The following LRRIQ1 variants were observed in gnomAD, a reference collection of about 807,000 sequenced individuals.
The protein encoded by LRRIQ1 is leucine rich repeats and IQ motif containing 1.
LRRIQ1 carries 210 observed loss-of-function variants against 211.9 expected under a neutral mutation model. The ratio of observed to expected loss-of-function variants is 0.99; its 90% CI spans 0.89 to 1.11. The LOEUF (loss-of-function observed/expected upper bound fraction) is 1.11. Ranked by LOEUF, LRRIQ1 falls within the 50% of genes most tolerant of loss-of-function variation. LRRIQ1 has a pLI of 0.00. For synonymous variants in LRRIQ1, 699 were observed against 650.1 expected (o/e 1.08, Z -1.14); for missense variants, 2,136 against 1,939.5 (o/e 1.10, Z -1.90).
chr12:85,083,233 C>A (rs1447850633), intron 11 of LRRIQ1, among the ~76,000 whole-genome samples: 1 of 152,072 alleles, frequency 6.6e-6, no homozygotes, highest in Non-Finnish European at 1.5e-5. Context: ...CAAGTTTTCT[C>A]ACTTTAAAAA....
chr12:85,109,634 T>C (rs970190786), intron 15 of LRRIQ1, among the ~76,000 whole-genome samples: 2 of 152,138 alleles, frequency 1.3e-5, no homozygotes, highest in Non-Finnish European at 2.9e-5. Context: ...CATCATCACC[T>C]GGAAACCCAG....
At position 85,164,838 on chromosome 12, in the gene LRRIQ1, A is replaced by G. The variant is rs564074523; in HGVS notation, c.4822+4124A>G. Among the ~76,000 whole-genome samples the G allele has an allele frequency of 1.2e-4, 18 of 152,328 alleles. 2 individuals are homozygous for G. The South Asian group carries it at 3.7e-3, about 32-fold the overall frequency. Reference sequence around the variant, plus strand: ...ATACAAATGTTAGAGAAAAAAGATTACCAGGTAACCATGAAATTTATACCA... The same window carrying G: ...ATACAAATGTTAGAGAAAAAAGATTGCCAGGTAACCATGAAATTTATACCA... On this transcript the variant is annotated intron_variant, in intron 24 of 26. Transcript: ENST00000393217.
At chr12:85,193,612 A>C (rs2136961691) in intron 24 of LRRIQ1, among the ~76,000 whole-genome samples, 1 of 151,616 alleles carries the variant, frequency 6.6e-6, no homozygotes, top group East Asian at 2.0e-4. Context: ...CTTTACAGAC[A>C]AGCAAATGCT....
intron 11 of LRRIQ1, among the ~76,000 whole-genome samples, chr12:85,089,583 A>G (rs962373491): frequency 1.3e-5 from 2 of 152,194 alleles, no homozygotes; most frequent in South Asian, 4.1e-4. Context: ...GCTGCATTGT[A>G]TTCATACCCT....
In LRRIQ1 at chr12:85,127,791, A is replaced by G. The variant is rs1430941939; in HGVS notation, c.4008-41A>G. ...TTTATCTACAACTCTGTATTTACAG[A>G]TAATAAAAAAAGTGTGTGTTTTTTT... is the stretch of plus-strand genomic sequence containing the variant. On this transcript the variant is annotated intron_variant, in intron 17 of 26. Transcript: ENST00000393217. 1.9e-6 allele frequency: 3 copies of G among 1,549,298 alleles called. No homozygotes were observed. The Admixed American group carries it at 5.2e-5, about 27-fold the overall frequency.
chr12:85,052,351 G>T, intron 7 of LRRIQ1, 100 bp downstream of exon 7: 3 of 572,954 alleles, frequency 5.2e-6, no homozygotes, highest in Non-Finnish European at 9.0e-6. Flanking sequence ...TGCCTAAGTA[G>T]TATAAGATTT....
chr12:85,086,220 T>C (rs930091870), intron 11 of LRRIQ1, among the ~76,000 whole-genome samples: 1 of 152,198 alleles, frequency 6.6e-6, no homozygotes, highest in Non-Finnish European at 1.5e-5. Flanking sequence ...ATTTGTTGAC[T>C]GCATGTATGT....
chr12:85,198,817 C>T (rs776896895), intron 24 of LRRIQ1, among the ~76,000 whole-genome samples: 24 of 152,266 alleles, frequency 1.6e-4, no homozygotes, highest in Non-Finnish European at 2.6e-4. Context: ...ATCCACCCGC[C>T]TTGGCCTCCC....
chr12:85,127,778 T>C (rs112288445), intron 17 of LRRIQ1, 54 bp from the exon 18 acceptor site: 1 of 1,487,020 alleles, frequency 6.7e-7, no homozygotes. Flanking sequence ...TATCTACAAC[T>C]CTGTATTTAC....
chr12:85,171,229 T>C (rs1891399909), intron 24 of LRRIQ1, among the ~76,000 whole-genome samples: 1 of 152,102 alleles, frequency 6.6e-6, no homozygotes. Context: ...AACTTAAAAA[T>C]TCAATGGATG....
intron 25 of LRRIQ1, among the ~76,000 whole-genome samples, chr12:85,231,342 A>T (rs549064319): frequency 6.6e-6 from 1 of 152,308 alleles, no homozygotes; most frequent in South Asian, 2.1e-4. Flanking sequence ...ATTATGTCAG[A>T]TTGTAATGTG....
At chr12:85,130,397 T>C (rs1888666714) in intron 18 of LRRIQ1, among the ~76,000 whole-genome samples, 1 of 152,212 alleles carries the variant, frequency 6.6e-6, no homozygotes, top group Non-Finnish European at 1.5e-5. Context: ...CATCGGTGGA[T>C]GAACAATACA....
At chr12:85,218,695 A>G (rs1358978209) in intron 24 of LRRIQ1, among the ~76,000 whole-genome samples, 1 of 152,118 alleles carries the variant, frequency 6.6e-6, no homozygotes. Flanking sequence ...TTGTAATGGA[A>G]AATGAGGTAG....
At chr12:85,166,676 A>G (rs771048474) in intron 24 of LRRIQ1, among the ~76,000 whole-genome samples, 10 of 152,218 alleles carry the variant, frequency 6.6e-5, no homozygotes, top group Non-Finnish European at 1.2e-4. Context: ...GCCAATGACT[A>G]TGTATTAAGA....
chr12:85,192,718 AAT>A (rs1281595682), intron 24 of LRRIQ1, among the ~76,000 whole-genome samples: 3 of 98,480 alleles, frequency 3.0e-5, no homozygotes, highest in African/African-American at 4.8e-5. Context: ...TATAATTATA[AAT>A]ATATATAGTT....
At chr12:85,245,330 G>C (rs2137279407), downstream of LRRIQ1, among the ~76,000 whole-genome samples, 1 of 151,158 alleles carries the variant, frequency 6.6e-6, no homozygotes, top group East Asian at 1.9e-4. Flanking sequence ...TTTTTAAATA[G>C]AAGAGCTTTA....
At chr12:85,115,759 C>T (rs1565843535) in intron 15 of LRRIQ1, among the ~76,000 whole-genome samples, 1 of 152,080 alleles carries the variant, frequency 6.6e-6, no homozygotes, top group Non-Finnish European at 1.5e-5. Context: ...CAACTAGAAA[C>T]AAACCTATAC....
intron 11 of LRRIQ1, among the ~76,000 whole-genome samples, chr12:85,074,543 T>C (rs962794595): frequency 6.6e-6 from 1 of 151,950 alleles, no homozygotes; most frequent in African/African-American, 2.4e-5. Flanking sequence ...ATTCATTCAT[T>C]CTGTTTTTTT....
At chr12:85,218,836 T>C (rs1414337342) in intron 24 of LRRIQ1, among the ~76,000 whole-genome samples, 2 of 152,112 alleles carry the variant, frequency 1.3e-5, no homozygotes, top group Non-Finnish European at 2.9e-5. Flanking sequence ...AGAATTAGTA[T>C]TACTGATTTT....
Sources: allele counts gnomAD v4.1 joint callset (sites outside exome capture counted in the v4.1 genomes callset), GRCh38; gene constraint gnomAD v4.1.1; transcripts MANE v1.5; gene names NCBI Gene and HGNC (gene_info 2026-07-23, HGNC 2026-07-21).